SYVN1: variants seen among roughly 807,000 people sequenced by gnomAD.
SYVN1 encodes E3 ubiquitin-protein ligase synoviolin.
Under a neutral mutation model 62.6 loss-of-function variants are expected in SYVN1, and 17 were observed. The ratio of observed to expected loss-of-function variants is 0.27; its 90% CI spans 0.19 to 0.41. The LOEUF (loss-of-function observed/expected upper bound fraction) is 0.41, where lower values mean the gene tolerates loss of function less well. Ranked by LOEUF, SYVN1 falls within the 10% of genes least tolerant of loss-of-function variation. The pLI is 1.00. For missense variants in SYVN1, 634 were observed against 818.0 expected, an observed-to-expected ratio of 0.78 and a Z score of 2.74; for synonymous variants, 316 against 304.0, an observed-to-expected ratio of 1.04 and a Z score of -0.41.
At chr11:65,129,626 C>A in intron 14 of SYVN1, 103 bp downstream of exon 14, 1 of 1,156,676 alleles carries the variant, frequency 8.6e-7, no homozygotes, top group Non-Finnish European at 1.3e-6. Context: ...GATAGGCAGC[C>A]TGAATTGGCA....
rs370990029 is a variant in SYVN1, at chr11:65,132,275, G to A, written c.504C>T (p.Ala168=). 69 of 1,613,944 alleles carry A rather than the reference G, an allele frequency of 4.3e-5. No homozygotes were observed. Among genetic ancestry groups the A allele is most frequent in the Non-Finnish European group, 5.6e-5 (66 of 1,179,940 alleles). ...CAAAGCCAAACACCAGCTGCACAGAGGCCCCACGGGTCAGGATGCTGTGAT... is the reference window on the plus strand; with the variant it reads ...CAAAGCCAAACACCAGCTGCACAGAAGCCCCACGGGTCAGGATGCTGTGAT... The part of the protein sequence containing the change: ...HAYHSILTRG[A]SVQLVFGFEY... Residue 168 remains alanine (A), a synonymous_variant, in exon 6 of 16, where the codon GCC becomes GCT. Coordinates refer to ENST00000377190, the MANE Select transcript of SYVN1 (RefSeq NM_172230.3).
chr11:65,131,635 G>A (rs1407319547), intron 6 of SYVN1, 39 bp from the exon 7 acceptor site: 1 of 1,603,250 alleles, frequency 6.2e-7, no homozygotes, highest in Non-Finnish European at 8.5e-7. Context: ...TAAACACATA[G>A]CTCCCCCTTG....
intron 6 of SYVN1, 41 bp downstream of exon 6, chr11:65,132,207 C>A: frequency 6.7e-7 from 1 of 1,485,324 alleles, no homozygotes; most frequent in South Asian, 1.1e-5. Flanking sequence ...CATGTGGGGT[C>A]ACCTCGGGCT....
In SYVN1 at chr11:65,127,357, T is replaced by C. The variant is rs899756705; in HGVS notation, c.*1025A>G. The C allele has an allele frequency of 3.1e-6, 1 of 317,482 alleles. No individual in the cohort carries two copies. The highest frequency in any genetic ancestry group is 5.8e-6 in the Non-Finnish European group (1 of 173,028). 19.7% of individuals were successfully genotyped at this position (317,482 alleles called of 1,614,324 possible). ...TGTACAATATTTACAAATTAAATAA[T>C]CATCTGAAACTGTCTCCAACAACTC... On this transcript the variant is annotated 3_prime_UTR_variant, in exon 16 of 16. Coordinates refer to ENST00000377190, the MANE Select transcript of SYVN1 (RefSeq NM_172230.3).
chr11:65,128,356 G>A lies in SYVN1; in HGVS notation c.*26C>T, dbSNP rs1565341653. On this transcript the variant is annotated 3_prime_UTR_variant, in exon 16 of 16. Coordinates refer to ENST00000377190, the MANE Select transcript of SYVN1 (RefSeq NM_172230.3). Reference sequence around the variant, plus strand: ...CCAGCGAGGGCTGCTCAAAAGAGCAGAGGCTGGGGCTGGGCTGGGGCAGTG... The same window carrying A: ...CCAGCGAGGGCTGCTCAAAAGAGCAAAGGCTGGGGCTGGGCTGGGGCAGTG... The A allele has an allele frequency of 6.3e-7, 1 of 1,591,066 alleles. No individual in the cohort carries two copies. Among genetic ancestry groups the A allele is most frequent in the South Asian group, 1.1e-5 (1 of 89,886 alleles).
Position 65,129,929 on chromosome 11 carries a change from G to C in SYVN1, c.1409-14C>G, listed in dbSNP as rs1259846893. 2 of 1,611,696 alleles carry C rather than the reference G, an allele frequency of 1.2e-6. No homozygotes were observed. The highest frequency in any genetic ancestry group is 2.7e-5 in the African/African-American group (2 of 74,910). ...TTGGGGGGAAGGCTGGAGAGAGAGAGGCTCAGTCTGGGCTGCTGGGGCCAG... is the reference window on the plus strand; with the variant it reads ...TTGGGGGGAAGGCTGGAGAGAGAGACGCTCAGTCTGGGCTGCTGGGGCCAG... On this transcript the variant is annotated splice_polypyrimidine_tract_variant and intron_variant, in intron 13 of 15. Transcript: ENST00000377190.
At chr11:65,132,143 C>T (rs953252222) in intron 6 of SYVN1, 105 bp downstream of exon 6, 6 of 871,182 alleles carry the variant, frequency 6.9e-6, no homozygotes, top group Non-Finnish European at 1.2e-5. Context: ...GTGGCCAGCA[C>T]AGGTTGGCCA....
intron 5 of SYVN1, 158 bp from the exon 6 acceptor site, chr11:65,132,509 G>C (rs1352431007): frequency 4.0e-6 from 3 of 750,766 alleles, no homozygotes; most frequent in East Asian, 2.7e-5. Context: ...GAACTTCCTG[G>C]GGGAGGGGGA....
intron 14 of SYVN1, 157 bp downstream of exon 14, chr11:65,129,572 C>A: frequency 1.6e-6 from 1 of 634,402 alleles, no homozygotes; most frequent in Non-Finnish European, 2.8e-6. Flanking sequence ...AATAAAGGCA[C>A]CAGGAGTTAC....
intron 11 of SYVN1, 105 bp downstream of exon 11, chr11:65,130,555 G>T: frequency 7.0e-7 from 1 of 1,438,598 alleles, no homozygotes; most frequent in Non-Finnish European, 9.2e-7. Context: ...GGCCCAGACT[G>T]AGATTCTGGA....
Position 65,128,693 on chromosome 11 carries a change from T to C in SYVN1, c.1617A>G (p.Ser539=), listed in dbSNP as rs776990435. The C allele has an allele frequency of 6.2e-6, 10 of 1,612,502 alleles. No homozygotes were observed. The highest frequency in any genetic ancestry group is 8.5e-6 in the Non-Finnish European group (10 of 1,179,326). ...ASLGPPRPAT[S]VNSTEETATT... is the part of the protein sequence containing the mutation. ...TGGCAGTCTCCTCAGTGGAGTTGAC[T>C]GAAGTGGCAGGCCGGGGGGGCCTGG... The change falls in exon 15 of 16, where the codon TCA becomes TCG. Residue 539 remains serine (S), a synonymous_variant. Coordinates refer to ENST00000377190, the MANE Select transcript of SYVN1 (RefSeq NM_172230.3).
At chr11:65,132,827 C>T (rs770023093) in intron 4 of SYVN1, 47 bp from the exon 5 acceptor site, 8 of 1,613,420 alleles carry the variant, frequency 5.0e-6, no homozygotes, top group Non-Finnish European at 6.8e-6. Flanking sequence ...TGGGGCTCAC[C>T]CCACACCCTC....
rs373635186 is a variant in SYVN1, at chr11:65,128,673, G to C, written c.1637C>G (p.Thr546Ser). The C allele has an allele frequency of 6.2e-7, 1 of 1,613,662 alleles. No individual in the cohort carries two copies. Among genetic ancestry groups the C allele is most frequent in the African/African-American group, 1.3e-5 (1 of 74,926 alleles). Residue 546 changes from threonine to serine, a missense_variant, in exon 15 of 16, where the codon ACT (threonine) becomes AGT (serine). By Grantham distance (58) the Thr-to-Ser change is moderately conservative. This residue lies in a region of SYVN1 where 351 missense variants were observed against 373.3 expected (regional missense o/e 0.94). Coordinates refer to ENST00000377190, the MANE Select transcript of SYVN1 (RefSeq NM_172230.3). ...PATSVNSTEE[T>S]ATTVVAAASS... ...GGCAGCAGCAACAACTGTAGTGGCA[G>C]TCTCCTCAGTGGAGTTGACTGAAGT...
rs1171650439 is a variant in SYVN1, at chr11:65,128,271, G to A, written c.*111C>T. The stretch of plus-strand genomic sequence containing the variant: ...GGGATGCCGCCTCTTTCTCAGAGCT[G>A]GGGGTACTACTCCCTGGTGCAGACA... On this transcript the variant is annotated 3_prime_UTR_variant, in exon 16 of 16. Coordinates refer to ENST00000377190, the MANE Select transcript of SYVN1 (RefSeq NM_172230.3). The A allele has an allele frequency of 4.5e-6, 4 of 889,708 alleles. No individual in the cohort carries two copies. The highest frequency in any genetic ancestry group is 5.3e-6 in the Non-Finnish European group (3 of 566,144). The allele number at this position is 889,708 out of a possible 1,614,324, so 55.1% of individuals were successfully genotyped here.
At chr11:65,132,128 C>T in intron 6 of SYVN1, 120 bp downstream of exon 6, 2 of 790,856 alleles carry the variant, frequency 2.5e-6, no homozygotes, top group African/African-American at 1.7e-5. Flanking sequence ...GATCACTGCC[C>T]CTTGGTGGCC....
In SYVN1 at chr11:65,132,282, C is replaced by G. The variant is rs144093481; in HGVS notation, c.497G>C (p.Arg166Pro). The change falls in exon 6 of 16, where the codon CGT (arginine) becomes CCT (proline). Residue 166 changes from arginine to proline, a missense_variant. This residue lies in a region of SYVN1 where 283 missense variants were observed against 444.7 expected (regional missense o/e 0.64). Coordinates refer to ENST00000377190, the MANE Select transcript of SYVN1 (RefSeq NM_172230.3). ...VSHAYHSILT[R>P]GASVQLVFGF... ...AAACACCAGCTGCACAGAGGCCCCA[C>G]GGGTCAGGATGCTGTGATAGGCGTG... The G allele has an allele frequency of 1.2e-6, 2 of 1,614,094 alleles. No individual in the cohort carries two copies. The highest frequency in any genetic ancestry group is 2.2e-5 in the South Asian group (2 of 91,084).
At chr11:65,128,789 G>T in intron 14 of SYVN1, 75 bp from the exon 15 acceptor site, 1 of 1,449,094 alleles carries the variant, frequency 6.9e-7, no homozygotes, top group Non-Finnish European at 9.3e-7. Flanking sequence ...CCCTTGGTGA[G>T]CCTTGCAGAA....
At position 65,130,069 on chromosome 11, in the gene SYVN1, C is replaced by G. The variant is rs1480887737; in HGVS notation, c.1341G>C (p.Glu447Asp). Residue 447 changes from glutamate to aspartate, a missense_variant, in exon 13 of 16, where the codon GAG becomes GAC. This residue lies in a region of SYVN1 where 351 missense variants were observed against 373.3 expected (regional missense o/e 0.94). Coordinates refer to ENST00000377190, the MANE Select transcript of SYVN1 (RefSeq NM_172230.3). ...ASGPGSGSAP[E>D]AGPAPGFPFP... ...AGGGGAAACCAGGGGCAGGGCCAGC[C>G]TCTGGGGCAGAGCCAGAGCCTGGGC... 17 of 1,608,560 alleles carry G rather than the reference C, an allele frequency of 1.1e-5. No individual in the cohort carries two copies. The highest frequency in any genetic ancestry group is 1.4e-5 in the Non-Finnish European group (17 of 1,177,120).
In SYVN1 at chr11:65,128,591, T is replaced by C; in HGVS notation, c.1719A>G (p.Pro573=). The change falls in exon 15 of 16, where the codon CCA becomes CCG. Residue 573 remains proline, a synonymous_variant. Coordinates refer to ENST00000377190, the MANE Select transcript of SYVN1 (RefSeq NM_172230.3). ...GAGGCCTTTCCATTTCAGGGGCTGG[T>C]GGGGAGGCTCCTGGGGTTGGGGTCG... is the stretch of plus-strand genomic sequence containing the variant. ...EATTPTPGAS[P]PAPEMERPPA... The C allele has an allele frequency of 6.2e-7, 1 of 1,613,810 alleles. No homozygotes were observed. Among genetic ancestry groups the C allele is most frequent in the East Asian group, 2.2e-5 (1 of 44,866 alleles).
Sources: gnomAD v4.1 joint callset for allele counts on GRCh38, gnomAD v4.1.1 for gene constraint, gnomAD v4.1.1 regional missense constraint, MANE v1.5 for transcripts, NCBI Gene and HGNC (gene_info 2026-07-23, HGNC 2026-07-21) for gene names.